The following FAM241A variants were observed in gnomAD, a reference collection of about 807,000 sequenced individuals.
The protein encoded by FAM241A is uncharacterized protein FAM241A.
A neutral mutation model predicts 12.2 loss-of-function variants in FAM241A; 7 were observed. The ratio of observed to expected loss-of-function variants is 0.58; its 90% CI spans 0.33 to 1.08. FAM241A has a LOEUF of 1.08. Among genes scored for constraint, FAM241A ranks in the 50% least tolerant of loss-of-function variants. The pLI is 0.04. For synonymous variants in FAM241A, 74 were observed against 68.2 expected (o/e 1.08, Z -0.42); for missense variants, 161 against 169.7 (o/e 0.95, Z 0.29).
chr4:112,146,248 G>C (rs1342118349), intron 1 of FAM241A, among the ~76,000 whole-genome samples: 4 of 152,154 alleles, frequency 2.6e-5, no homozygotes, highest in Non-Finnish European at 1.5e-5. Context: ...AGGAGCGGGT[G>C]TTACAATGAA....
At chr4:112,146,703 C>T (rs1723145040) in intron 1 of FAM241A, among the ~76,000 whole-genome samples, 1 of 152,218 alleles carries the variant, frequency 6.6e-6, no homozygotes, top group Non-Finnish European at 1.5e-5. Flanking sequence ...TCACGTTTCA[C>T]AAATTCCAGT....
intron 1 of FAM241A, among the ~76,000 whole-genome samples, chr4:112,161,160 C>T (rs1440442304): frequency 6.6e-6 from 1 of 152,168 alleles, no homozygotes; most frequent in Non-Finnish European, 1.5e-5. Flanking sequence ...ACAGTTAAAG[C>T]AGTGTGTAGA....
At chr4:112,171,451 G>T (rs1723717821) in intron 1 of FAM241A, 1 of 778,956 alleles carries the variant, frequency 1.3e-6, no homozygotes, top group Non-Finnish European at 2.3e-6. Flanking sequence ...AGATCTAAGA[G>T]AATGCTGGCT....
chr4:112,166,305 C>T (rs370568877), intron 1 of FAM241A, among the ~76,000 whole-genome samples: 2 of 151,800 alleles, frequency 1.3e-5, no homozygotes, highest in African/African-American at 4.8e-5. Context: ...CTCCTGACCT[C>T]GTGATCCGCC....
At position 112,167,827 on chromosome 4, in the gene FAM241A, T is replaced by A. The variant is rs1723629702; in HGVS notation, c.154-18866T>A. ...TGAACTAAATTGACTAAGTAATTTATTTTGCAAGCTAGCCTATTCTGTGAA... is the reference window on the plus strand; with the variant it reads ...TGAACTAAATTGACTAAGTAATTTAATTTGCAAGCTAGCCTATTCTGTGAA... On this transcript the variant is annotated intron_variant, in intron 1 of 1. Transcript: ENST00000309733. Among the ~76,000 whole-genome samples the A allele has an allele frequency of 2.0e-5, 3 of 152,338 alleles. No homozygotes were observed. The South Asian group carries it at 6.2e-4, about 32-fold the overall frequency.
At chr4:112,179,914 G>GACACATATATATAT (rs1479640205) in intron 1 of FAM241A, among the ~76,000 whole-genome samples, 4 of 117,768 alleles carry the variant, frequency 3.4e-5, no homozygotes, top group Admixed American at 1.8e-4. Flanking sequence ...AAGAAAATGT[G>GACACATATATATAT]ATATATATAT....
chr4:112,178,707 AC>A (rs1245583183), intron 1 of FAM241A, among the ~76,000 whole-genome samples: 2 of 152,200 alleles, frequency 1.3e-5, no homozygotes, highest in African/African-American at 4.8e-5. Flanking sequence ...CAGGCAGCCT[AC>A]AGAATGGGAG....
intron 1 of FAM241A, among the ~76,000 whole-genome samples, chr4:112,159,179 G>A (rs1723412513): frequency 6.6e-6 from 1 of 152,150 alleles, no homozygotes; most frequent in Non-Finnish European, 1.5e-5. Context: ...TTACCTACTT[G>A]GCTGTGCCCC....
chr4:112,173,097 C>G (rs141130919), intron 1 of FAM241A, among the ~76,000 whole-genome samples: 1 of 152,102 alleles, frequency 6.6e-6, no homozygotes. Flanking sequence ...CTATGTTGCC[C>G]AGGCTGGTCT....
chr4:112,179,884 C>CATCA (rs1166771209), intron 1 of FAM241A, among the ~76,000 whole-genome samples: 17 of 132,240 alleles, frequency 1.3e-4, no homozygotes, highest in African/African-American at 4.7e-4. Context: ...CCTAGGTGCC[C>CATCA]ATCAATGGTG....
chr4:112,166,281 C>T (rs1464897265), intron 1 of FAM241A, among the ~76,000 whole-genome samples: 2 of 151,634 alleles, frequency 1.3e-5, no homozygotes, highest in Admixed American at 1.3e-4. Flanking sequence ...TGGTCTGTAT[C>T]TCCTGGTCTC....
rs1320297119 is a variant in FAM241A, at chr4:112,193,052, G to A, written c.*6114G>A. The A allele has an allele frequency of 6.6e-6, 1 of 151,462 alleles. No homozygotes were observed. The highest frequency in any genetic ancestry group is 1.5e-5 in the Non-Finnish European group (1 of 67,940). The allele number at this position is 151,462 out of a possible 1,614,324, so 9.4% of individuals were successfully genotyped here. A position where few individuals can be genotyped will look rare whatever the true frequency, so the allele number is the denominator to read the frequency against. Reference sequence around the variant, plus strand: ...ATGATCGCCATTCTAACTGGTGTGAGATGGTATCTCATTGTGGTTTTGATT... The same window carrying A: ...ATGATCGCCATTCTAACTGGTGTGAAATGGTATCTCATTGTGGTTTTGATT... On this transcript the variant is annotated 3_prime_UTR_variant, in exon 2 of 2. Coordinates refer to ENST00000309733, the MANE Select transcript of FAM241A (RefSeq NM_152400.3).
rs536393611 is a variant in FAM241A, at chr4:112,187,077, A to G, written c.*139A>G. 5 of 876,252 alleles carry G rather than the reference A, an allele frequency of 5.7e-6. No homozygotes were observed. Among genetic ancestry groups the G allele is most frequent in the African/African-American group, 5.0e-5 (3 of 59,604 alleles). The allele number at this position is 876,252 out of a possible 1,614,324, so 54.3% of individuals were successfully genotyped here. The stretch of plus-strand genomic sequence containing the variant: ...GGCTGTTTTGTAAGTAAATTTATAC[A>G]TGGATGTCACTTAAAACTAAACTCT... On this transcript the variant is annotated 3_prime_UTR_variant, in exon 2 of 2. Coordinates refer to ENST00000309733, the MANE Select transcript of FAM241A (RefSeq NM_152400.3).
intron 1 of FAM241A, among the ~76,000 whole-genome samples, chr4:112,145,954 G>A (rs979671714): frequency 1.3e-5 from 2 of 151,950 alleles, no homozygotes; most frequent in African/African-American, 4.8e-5. Flanking sequence ...CGCCGGCCCC[G>A]GGGTCGCGTG....
chr4:112,155,113 A>G (rs973030290), intron 1 of FAM241A, among the ~76,000 whole-genome samples: 1 of 152,046 alleles, frequency 6.6e-6, no homozygotes, highest in Non-Finnish European at 1.5e-5. Context: ...GTTATATATC[A>G]TTAGTTCATG....
intron 1 of FAM241A, among the ~76,000 whole-genome samples, chr4:112,147,886 C>T (rs1188742075): frequency 6.6e-6 from 1 of 151,928 alleles, no homozygotes; most frequent in East Asian, 1.9e-4. Flanking sequence ...ATCTTCCTGC[C>T]GTCTTTTCTA....
intron 1 of FAM241A, among the ~76,000 whole-genome samples, chr4:112,181,656 G>A (rs960004153): frequency 4.6e-5 from 7 of 152,188 alleles, no homozygotes; most frequent in Non-Finnish European, 8.8e-5. Flanking sequence ...AAGACCAAAA[G>A]GAGAGGATGC....
rs1175763769 is a variant in FAM241A, at chr4:112,145,651, C to T, written c.71C>T (p.Ala24Val). ...GERDEDGDAL[A>V]EREAAGTGWD... The stretch of plus-strand genomic sequence containing the variant: ...CGCGACGAGGACGGGGACGCGCTGG[C>T]GGAGCGGGAGGCGGCAGGGACCGGG... Residue 24 changes from alanine to valine, a missense_variant, in exon 1 of 2, where the codon GCG becomes GTG. Transcript: ENST00000309733. 2.5e-6 allele frequency: 3 copies of T among 1,218,144 alleles called. No individual in the cohort carries two copies. The highest frequency in any genetic ancestry group is 3.3e-5 in the East Asian group (1 of 30,494). The allele number at this position is 1,218,144 out of a possible 1,614,324, so 75.5% of individuals were successfully genotyped here.
At chr4:112,146,181 A>G (rs1449772673) in intron 1 of FAM241A, among the ~76,000 whole-genome samples, 1 of 152,096 alleles carries the variant, frequency 6.6e-6, no homozygotes, top group Non-Finnish European at 1.5e-5. Context: ...GCCCACACCT[A>G]GCGTGTCTGG....
Sources: allele counts gnomAD v4.1 joint callset (sites outside exome capture counted in the v4.1 genomes callset), GRCh38; gene constraint gnomAD v4.1.1; transcripts MANE v1.5; gene names NCBI Gene and HGNC (gene_info 2026-07-23, HGNC 2026-07-21).